SYN3: variants seen among roughly 807,000 people sequenced by gnomAD.
The protein encoded by SYN3 is synapsin-3.
In SYN3, 35 loss-of-function variants were observed where a neutral mutation model predicts 65.8. That is an observed-to-expected ratio of 0.53 (90% CI 0.41 to 0.70). The LOEUF (loss-of-function observed/expected upper bound fraction) is 0.70, where lower values mean the gene tolerates loss of function less well. Ranked by LOEUF, SYN3 falls within the 30% of genes least tolerant of loss-of-function variation. The pLI is 0.00. For synonymous variants in SYN3, 270 were observed against 292.9 expected (o/e 0.92, Z 0.80); for missense variants, 680 against 749.0 (o/e 0.91, Z 1.08).
intron 3 of SYN3, among the ~76,000 whole-genome samples, chr22:32,951,463 T>C (rs1277197881): frequency 6.6e-6 from 1 of 152,180 alleles, no homozygotes; most frequent in East Asian, 1.9e-4. Context: ...CAATTAACTA[T>C]TCAATGGTCT....
chr22:32,657,983 C>A (rs1481063432), intron 6 of SYN3, among the ~76,000 whole-genome samples: 1 of 152,184 alleles, frequency 6.6e-6, no homozygotes, highest in African/African-American at 2.4e-5. Context: ...CCCTCAGTGC[C>A]CTGCAGAGAG....
intron 6 of SYN3, among the ~76,000 whole-genome samples, chr22:32,751,417 C>G (rs1373543071): frequency 2.6e-5 from 4 of 152,124 alleles, no homozygotes. Flanking sequence ...GGTAGGGAAA[C>G]AAGGCATGCC....
At chr22:32,517,833 CG>C (rs1426388458) in intron 13 of SYN3, among the ~76,000 whole-genome samples, 1 of 152,024 alleles carries the variant, frequency 6.6e-6, no homozygotes, top group East Asian at 1.9e-4. Context: ...TGTGTATACA[CG>C]GAGGGTCACG....
chr22:32,931,442 C>T lies in SYN3; in HGVS notation c.409G>A (p.Gly137Arg), dbSNP rs749487023. ...SELNLAAYVT[G>R]GCMVDMQVVR... ...ACCTGCATGTCCACCATGCAGCCCC[C>T]GGTCACATAGGCAGCTAGGTTCAAC... Residue 137 changes from glycine (G) to arginine (R), a missense_variant, in exon 4 of 14, where the codon GGG becomes AGG. Transcript: ENST00000358763. 2.8e-5 allele frequency: 45 copies of T among 1,613,718 alleles called. No individual in the cohort carries two copies. The South Asian group carries it at 3.4e-4, about 12-fold the overall frequency.
At chr22:32,523,342 C>A (rs946431244) in intron 12 of SYN3, among the ~76,000 whole-genome samples, 4 of 152,142 alleles carry the variant, frequency 2.6e-5, no homozygotes, top group African/African-American at 9.7e-5. Context: ...GACGTCCCTT[C>A]TCTACTGAAA....
At chr22:32,854,258 ATG>A (rs2146269368) in intron 6 of SYN3, among the ~76,000 whole-genome samples, 1 of 152,326 alleles carries the variant, frequency 6.6e-6, no homozygotes, top group East Asian at 1.9e-4. Flanking sequence ...GTCATTTGTA[ATG>A]TGTCAGAATT....
Position 32,978,602 on chromosome 22 carries a change from G to A in SYN3, c.369+2043C>T, listed in dbSNP as rs55676703. 7.0e-3 allele frequency among the ~76,000 whole-genome samples: 1,072 copies of A among 152,088 alleles called. 9 individuals are homozygous for A. The highest frequency in any genetic ancestry group is 0.035 in the South Asian group (168 of 4,806). ...CTATTTCAAACACCACTCCCTCCTC[G>A]AGGCCACACCTGAGTCTTTCAGTTG... On this transcript the variant is annotated intron_variant, in intron 3 of 13. Coordinates refer to ENST00000358763, the MANE Select transcript of SYN3 (RefSeq NM_003490.4).
chr22:32,528,810 C>T, intron 11 of SYN3, 64 bp downstream of exon 11: 1 of 1,603,180 alleles, frequency 6.2e-7, no homozygotes. Context: ...CAGGGGCTCC[C>T]CATTTCCAGA....
chr22:32,558,784 C>T (rs931084559), intron 7 of SYN3, among the ~76,000 whole-genome samples: 2 of 152,226 alleles, frequency 1.3e-5, no homozygotes, highest in Non-Finnish European at 2.9e-5. Context: ...CCCAAGGGCC[C>T]CTTAGCCAAG....
At chr22:32,614,476 C>A (rs2059487763) in intron 6 of SYN3, among the ~76,000 whole-genome samples, 1 of 152,140 alleles carries the variant, frequency 6.6e-6, no homozygotes, top group Non-Finnish European at 1.5e-5. Flanking sequence ...CTGCCAAGAC[C>A]CCCAGTTTTC....
chr22:32,541,474 T>A, intron 8 of SYN3, 97 bp downstream of exon 8: 5 of 1,464,848 alleles, frequency 3.4e-6, no homozygotes, highest in Non-Finnish European at 4.7e-6. Flanking sequence ...GGAAGGAGGA[T>A]AATGATGCAC....
chr22:32,640,228 C>T (rs765552160), intron 6 of SYN3, among the ~76,000 whole-genome samples: 4 of 152,132 alleles, frequency 2.6e-5, no homozygotes, highest in African/African-American at 7.2e-5. Flanking sequence ...GCCCATACTC[C>T]CAGGAATGAA....
chr22:32,829,409 G>A (rs1053483417), intron 6 of SYN3, among the ~76,000 whole-genome samples: 1 of 152,198 alleles, frequency 6.6e-6, no homozygotes, highest in Admixed American at 6.5e-5. Flanking sequence ...ACTTCATTAT[G>A]GCAAAGACAG....
chr22:32,800,745 T>G (rs564686562), intron 6 of SYN3, among the ~76,000 whole-genome samples: 1 of 152,296 alleles, frequency 6.6e-6, no homozygotes, highest in Admixed American at 6.5e-5. Flanking sequence ...CCTCTTGCCT[T>G]TCTACTTTCT....
intron 2 of SYN3, among the ~76,000 whole-genome samples, chr22:32,985,533 T>C (rs1167876242): frequency 6.6e-6 from 1 of 152,204 alleles, no homozygotes; most frequent in African/African-American, 2.4e-5. Flanking sequence ...AGGGCAGGGA[T>C]TGCTCCCAAC....
chr22:32,523,252 C>A (rs1022933683), intron 12 of SYN3, among the ~76,000 whole-genome samples: 1 of 152,212 alleles, frequency 6.6e-6, no homozygotes, highest in Non-Finnish European at 1.5e-5. Context: ...GTGGCTCATG[C>A]CTGTAATCCC....
chr22:32,533,724 G>A, intron 10 of SYN3, 69 bp downstream of exon 10: 2 of 1,097,288 alleles, frequency 1.8e-6, no homozygotes, highest in Middle Eastern at 2.0e-4. Flanking sequence ...AGACCATGCA[G>A]GGATTCCCTC....
chr22:32,987,088 T>C (rs2052549944), intron 2 of SYN3, among the ~76,000 whole-genome samples: 1 of 152,058 alleles, frequency 6.6e-6, no homozygotes, highest in Admixed American at 6.5e-5. Context: ...CGATCCTGTA[T>C]GTAGAGTTAA....
In SYN3 at chr22:32,837,064, C is replaced by T. The variant is rs1389743671; in HGVS notation, c.711+27851G>A. 6.6e-6 allele frequency among the ~76,000 whole-genome samples: 1 copy of T among 152,194 alleles called. No homozygotes were observed. The highest frequency in any genetic ancestry group is 1.5e-5 in the Non-Finnish European group (1 of 68,032). ...GCCTATCCCAGAGTCCCTCAGCTCT[C>T]CTAGCAAACAAAATCCCAATTAGGA... On this transcript the variant is annotated intron_variant, in intron 6 of 13. Transcript: ENST00000358763. This position sits in a 1 kb window ranked among gnomAD's most constrained non-coding sequence, Gnocchi z 4.1.
Sources: gnomAD v4.1 joint callset for allele counts (sites outside exome capture counted in the v4.1 genomes callset) on GRCh38, gnomAD v4.1.1 for gene constraint, Gnocchi (gnomAD v3.1) non-coding constraint, MANE v1.5 for transcripts, NCBI Gene and HGNC (gene_info 2026-07-23, HGNC 2026-07-21) for gene names.